Variants in CCNJL observed in about 807,000 individuals in gnomAD.
The protein encoded by CCNJL is cyclin J like.
Under a neutral mutation model 33.4 loss-of-function variants are expected in CCNJL, and 33 were observed. The ratio of observed to expected loss-of-function variants is 0.99; its 90% CI spans 0.75 to 1.32. CCNJL has a LOEUF of 1.32. Among genes scored for constraint, CCNJL ranks in the 40% most tolerant of loss-of-function variants. The pLI, the probability that CCNJL is intolerant of heterozygous loss-of-function variation, is 0.00. For missense variants in CCNJL, 512 were observed against 499.7 expected, an observed-to-expected ratio of 1.02 and a Z score of -0.23; for synonymous variants, 227 against 220.9, an observed-to-expected ratio of 1.03 and a Z score of -0.24.
At position 160,288,899 on chromosome 5, in the gene CCNJL, G is replaced by GTAC. The variant is rs552884150; in HGVS notation, c.67-8164_67-8162dup. ...CTCACTTAGAAGGATTCAGACAGAA[G>GTAC]TACTACTAGGTTCTACCTGGATTCT... On this transcript the variant is annotated intron_variant, in intron 2 of 5. Coordinates refer to ENST00000257536, the MANE Select transcript of CCNJL (RefSeq NM_001308173.3). Among the ~76,000 whole-genome samples, 23 of 150,138 alleles carry GTAC rather than the reference G, an allele frequency of 1.5e-4. No homozygotes were observed. In the East Asian group the frequency reaches 3.9e-3, roughly 26 times the overall value.
intron 1 of CCNJL, among the ~76,000 whole-genome samples, chr5:160,338,006 A>C (rs971845260): frequency 6.6e-6 from 1 of 152,212 alleles, no homozygotes; most frequent in African/African-American, 2.4e-5. Context: ...GCTCAGCTGT[A>C]TCAATCAAGC....
Position 160,252,910 on chromosome 5 carries a change from G to A in CCNJL, c.*468C>T, listed in dbSNP as rs1760869591. 1 of 154,652 alleles carries A rather than the reference G, an allele frequency of 6.5e-6. No individual in the cohort carries two copies. Among genetic ancestry groups the A allele is most frequent in the East Asian group, 1.9e-4 (1 of 5,232 alleles). The allele number at this position is 154,652 out of a possible 1,614,324, so 9.6% of individuals were successfully genotyped here. On this transcript the variant is annotated 3_prime_UTR_variant, in exon 6 of 6. Coordinates refer to ENST00000257536, the MANE Select transcript of CCNJL (RefSeq NM_001308173.3). ...ACTCAGGCCCCTCTGCATAGAGCCA[G>A]GGAAAGAAAAGCACCCAATATGGGA...
Position 160,252,073 on chromosome 5 carries a change from CG to C in CCNJL, c.*1304del, listed in dbSNP as rs1760829108. The stretch of plus-strand genomic sequence containing the variant: ...TCAAACAAAACAAAAATTGCTTCCA[CG>C]GTCCTTTGCACCTCCCAGTTCTGCT... On this transcript the variant is annotated 3_prime_UTR_variant, in exon 6 of 6. Coordinates refer to ENST00000257536, the MANE Select transcript of CCNJL (RefSeq NM_001308173.3). 2 of 152,686 alleles carry C rather than the reference CG, an allele frequency of 1.3e-5. No homozygotes were observed. The highest frequency in any genetic ancestry group is 2.9e-5 in the Non-Finnish European group (2 of 68,076). 9.5% of individuals were successfully genotyped at this position (152,686 alleles called of 1,614,324 possible). A position where few individuals can be genotyped will look rare whatever the true frequency, so the allele number is the denominator to read the frequency against.
intron 3 of CCNJL, among the ~76,000 whole-genome samples, chr5:160,277,041 C>T (rs1580974766): frequency 6.6e-6 from 1 of 152,130 alleles, no homozygotes; most frequent in Admixed American, 6.6e-5. Flanking sequence ...GATCTGCCTG[C>T]CTCAGCCTCC....
chr5:160,322,062 G>A (rs541093892), intron 1 of CCNJL, among the ~76,000 whole-genome samples: 1 of 152,262 alleles, frequency 6.6e-6, no homozygotes, highest in Non-Finnish European at 1.5e-5. Flanking sequence ...AAGAGGTGAA[G>A]GGAGTGAGGA....
At chr5:160,311,712 G>A in intron 2 of CCNJL, 146 bp downstream of exon 2, 1 of 729,872 alleles carries the variant, frequency 1.4e-6, no homozygotes, top group Non-Finnish European at 2.4e-6. Context: ...ATTCCGCTCA[G>A]ACACTCCGGG....
chr5:160,314,434 C>G (rs1431259811), upstream of CCNJL, among the ~76,000 whole-genome samples: 8 of 152,060 alleles, frequency 5.3e-5, no homozygotes, highest in Non-Finnish European at 1.2e-4. Flanking sequence ...AAACTAAGGA[C>G]TTGTTTAAAT....
intron 1 of CCNJL, among the ~76,000 whole-genome samples, chr5:160,330,700 G>C (rs1425588617): frequency 6.6e-6 from 1 of 150,440 alleles, no homozygotes; most frequent in Non-Finnish European, 1.5e-5. Context: ...GTCTCCCTCT[G>C]TTACCCAGGC....
chr5:160,253,706 A>G lies in CCNJL; in HGVS notation c.836T>C (p.Leu279Pro), dbSNP rs769531066. The G allele has an allele frequency of 6.2e-7, 1 of 1,601,488 alleles. No individual in the cohort carries two copies. Among genetic ancestry groups the G allele is most frequent in the South Asian group, 1.1e-5 (1 of 89,490 alleles). ...GGCCGGGTAGGCTGGTGGCTGGAAC[A>G]GCACTTGAGTGGGGGTGGGGGGTGT... ...PGTPPTPTQV[L>P]FQPPAYPALG... The change falls in exon 6 of 6, where the codon CTG becomes CCG. Residue 279 changes from leucine (L) to proline (P), a missense_variant. Physicochemically the swap from Leu to Pro is moderately conservative, Grantham distance 98. Coordinates refer to ENST00000257536, the MANE Select transcript of CCNJL (RefSeq NM_001308173.3).
intron 1 of CCNJL, among the ~76,000 whole-genome samples, chr5:160,322,539 T>A (rs544065737): frequency 8.5e-5 from 13 of 152,224 alleles, no homozygotes; most frequent in Non-Finnish European, 1.6e-4. Context: ...TGTAATTGTA[T>A]GCATACATAG....
Position 160,306,094 on chromosome 5 carries a change from T to C in CCNJL, c.66+5764A>G, listed in dbSNP as rs1763087289. Among the ~76,000 whole-genome samples, 3 of 151,728 alleles carry C rather than the reference T, an allele frequency of 2.0e-5. No individual in the cohort carries two copies. The South Asian group carries it at 6.2e-4, about 32-fold the overall frequency. On this transcript the variant is annotated intron_variant, in intron 2 of 5. Transcript: ENST00000257536. The stretch of plus-strand genomic sequence containing the variant: ...TTAGAGACCAGCCTGGCCAACATGG[T>C]GAAACCCCGCCTCTACTAAAAATAC...
In CCNJL at chr5:160,280,575, G is replaced by C; in HGVS notation, c.230C>G (p.Thr77Ser). The change falls in exon 3 of 6, where the codon ACC (threonine) becomes AGC (serine). Residue 77 changes from threonine (T) to serine (S), a missense_variant. Physicochemically the swap from Thr to Ser is moderately conservative, Grantham distance 58. Transcript: ENST00000257536. ...LDHFMDRYNV[T>S]TSKQLYTVAV... ...CACGGTGTAGAGCTGCTTGGAGGTG[G>C]TGACGTTGTAGCGATCCATGAAGTG... 6.2e-7 allele frequency: 1 copy of C among 1,613,488 alleles called. No individual in the cohort carries two copies.
rs1324769403 is a variant in CCNJL, at chr5:160,252,123, C to T, written c.*1255G>A. On this transcript the variant is annotated 3_prime_UTR_variant, in exon 6 of 6. Transcript: ENST00000257536. ...CTGGGTGAACAATGTGTCCCCCAAC[C>T]CCAAACTAAACCAAAGAACATGCTG... 6.5e-6 allele frequency: 1 copy of T among 152,674 alleles called. No homozygotes were observed. Among genetic ancestry groups the T allele is most frequent in the Non-Finnish European group, 1.5e-5 (1 of 68,050 alleles). The allele number at this position is 152,674 out of a possible 1,614,324, so 9.5% of individuals were successfully genotyped here. A position where few individuals can be genotyped will look rare whatever the true frequency, so the allele number is the denominator to read the frequency against.
chr5:160,321,027 TTTCTTTCTTTC>T (rs1283070831), intron 1 of CCNJL, among the ~76,000 whole-genome samples: 1 of 28,458 alleles, frequency 3.5e-5, no homozygotes, highest in Non-Finnish European at 6.8e-5. Context: ...TCTTTCTTTC[TTTCTTTCTTTC>T]TTTCTTTCTT....
chr5:160,289,195 C>A (rs1762506070), intron 2 of CCNJL, among the ~76,000 whole-genome samples: 1 of 152,176 alleles, frequency 6.6e-6, no homozygotes, highest in Non-Finnish European at 1.5e-5. Flanking sequence ...CCAGCAGCCA[C>A]TGCACATTGA....
At chr5:160,289,653 T>A (rs1381669011) in intron 2 of CCNJL, among the ~76,000 whole-genome samples, 1 of 151,920 alleles carries the variant, frequency 6.6e-6, no homozygotes, top group East Asian at 1.9e-4. Flanking sequence ...AGAGGGAAAG[T>A]GCCCCGGAAA....
chr5:160,249,634 G>A lies in CCNJL; in HGVS notation c.*3744C>T, dbSNP rs1023999447. 1.3e-5 allele frequency: 2 copies of A among 151,932 alleles called. No individual in the cohort carries two copies. The highest frequency in any genetic ancestry group is 1.3e-4 in the Admixed American group (2 of 15,228). The allele number at this position is 151,932 out of a possible 1,614,324, so 9.4% of individuals were successfully genotyped here. On this transcript the variant is annotated 3_prime_UTR_variant, in exon 6 of 6. Transcript: ENST00000257536. Reference sequence around the variant, plus strand: ...CAAAATTAGCTGGGTATGGTGACAGGTGCCTGTAGTCCCAGCTACTCAGGA... The same window carrying A: ...CAAAATTAGCTGGGTATGGTGACAGATGCCTGTAGTCCCAGCTACTCAGGA...
intron 3 of CCNJL, among the ~76,000 whole-genome samples, chr5:160,273,132 T>C (rs1270301960): frequency 6.6e-6 from 1 of 152,222 alleles, no homozygotes; most frequent in Admixed American, 6.5e-5. Context: ...TCAGTTATGC[T>C]CTATAAAGCC....
At chr5:160,277,346 T>C (rs1762049599) in intron 3 of CCNJL, among the ~76,000 whole-genome samples, 1 of 152,218 alleles carries the variant, frequency 6.6e-6, no homozygotes. Context: ...TCAGGGGCAC[T>C]GCCAAAGCCA....
Sources: gnomAD v4.1 joint callset for allele counts (sites outside exome capture counted in the v4.1 genomes callset) on GRCh38, gnomAD v4.1.1 for gene constraint, MANE v1.5 for transcripts, NCBI Gene and HGNC (gene_info 2026-07-23, HGNC 2026-07-21) for gene names.